Variants in UVRAG observed in about 807,000 individuals in gnomAD.
The protein encoded by UVRAG is UV radiation resistance associated, also known as UV radiation resistance-associated gene protein.
In UVRAG, 19 loss-of-function variants were observed where a neutral mutation model predicts 78.0. The observed-to-expected ratio is 0.24, with a 90% CI of 0.17 to 0.36. The LOEUF is 0.36. Among genes scored for constraint, UVRAG ranks in the 10% least tolerant of loss-of-function variants. UVRAG has a pLI of 1.00. For missense variants in UVRAG, 740 were observed against 853.8 expected (o/e 0.87, Z 1.66); for synonymous variants, 323 against 324.6 (o/e 1.00, Z 0.05).
chr11:76,047,453 C>T (rs1374166902), intron 12 of UVRAG, among the ~76,000 whole-genome samples: 2 of 152,158 alleles, frequency 1.3e-5, no homozygotes, highest in Non-Finnish European at 2.9e-5. Flanking sequence ...CACCCAGACA[C>T]CCTTAATTTT....
At chr11:76,046,106 C>T (rs1950750025) in intron 12 of UVRAG, among the ~76,000 whole-genome samples, 1 of 152,120 alleles carries the variant, frequency 6.6e-6, no homozygotes, top group Non-Finnish European at 1.5e-5. Context: ...AACAATCCTT[C>T]AAAGTACTGA....
chr11:76,050,317 G>T (rs1950839553), intron 12 of UVRAG, among the ~76,000 whole-genome samples: 1 of 152,126 alleles, frequency 6.6e-6, no homozygotes, highest in Admixed American at 6.5e-5. Flanking sequence ...CTTCCGTATT[G>T]ATTCCTGTGT....
intron 13 of UVRAG, among the ~76,000 whole-genome samples, chr11:76,107,585 T>C (rs58642366): frequency 0.024 from 3,721 of 152,342 alleles, 150 homozygotes; most frequent in African/African-American, 0.083. Flanking sequence ...TGTTTATAGA[T>C]GGGATTGGAA....
intron 1 of UVRAG, among the ~76,000 whole-genome samples, chr11:75,839,860 T>TAGAGAG (rs1302506686): frequency 1.4e-4 from 21 of 146,864 alleles, no homozygotes; most frequent in African/African-American, 5.3e-4. Flanking sequence ...CACATATATA[T>TAGAGAG]ATAGAGAGAG....
At chr11:76,005,982 GTGCAAGA>G (rs2135340497) in intron 9 of UVRAG, among the ~76,000 whole-genome samples, 1 of 149,304 alleles carries the variant, frequency 6.7e-6, no homozygotes, top group South Asian at 2.1e-4. Flanking sequence ...AGATCTTGTT[GTGCAAGA>G]TCTCCAGCCC....
chr11:75,929,049 G>A lies in UVRAG; in HGVS notation c.593+17010G>A, dbSNP rs926786909. ...TGATGTGTGGTGAAAGTGGTACAAAGAAGAATGGAAGTGTTTTCCAACATT... is the reference window on the plus strand; with the variant it reads ...TGATGTGTGGTGAAAGTGGTACAAAAAAGAATGGAAGTGTTTTCCAACATT... On this transcript the variant is annotated intron_variant, in intron 6 of 14. Transcript: ENST00000356136. 6.1e-5 allele frequency among the ~76,000 whole-genome samples: 9 copies of A among 148,424 alleles called. No individual in the cohort carries two copies. The East Asian group carries it at 1.2e-3, about 20-fold the overall frequency.
chr11:75,920,152 A>G (rs539703673), intron 6 of UVRAG, among the ~76,000 whole-genome samples: 5 of 150,178 alleles, frequency 3.3e-5, no homozygotes, highest in African/African-American at 1.2e-4. Context: ...CAGCCTCCCA[A>G]GTAGCTGGGA....
intron 3 of UVRAG, among the ~76,000 whole-genome samples, chr11:75,863,701 A>G (rs994677488): frequency 6.6e-6 from 1 of 152,170 alleles, no homozygotes; most frequent in Non-Finnish European, 1.5e-5. Flanking sequence ...TTGTGCACTT[A>G]GGTGGAATAT....
chr11:75,970,481 C>A (rs1182051820), intron 7 of UVRAG, among the ~76,000 whole-genome samples: 1 of 152,024 alleles, frequency 6.6e-6, no homozygotes, highest in Non-Finnish European at 1.5e-5. Flanking sequence ...GCCTGTAATC[C>A]CAGCACTTTG....
chr11:75,976,144 G>C (rs1181420345), intron 7 of UVRAG, among the ~76,000 whole-genome samples: 1 of 152,110 alleles, frequency 6.6e-6, no homozygotes, highest in Non-Finnish European at 1.5e-5. Flanking sequence ...TTTGTCTTTG[G>C]TTCTGTTTAT....
chr11:75,815,253 C>T lies in UVRAG; in HGVS notation c.-155C>T. The T allele has an allele frequency of 1.1e-5, 5 of 456,976 alleles. No homozygotes were observed. Among genetic ancestry groups the T allele is most frequent in the Admixed American group, 4.3e-5 (1 of 23,270 alleles). 28.3% of individuals were successfully genotyped at this position (456,976 alleles called of 1,614,324 possible). Reference sequence around the variant, plus strand: ...TAGCCAGCGGCGGCAACGGCGGCAGCGGCGGCAGCGGCGGCGGCTACTGTC... The same window carrying T: ...TAGCCAGCGGCGGCAACGGCGGCAGTGGCGGCAGCGGCGGCGGCTACTGTC... On this transcript the variant is annotated 5_prime_UTR_variant, in exon 1 of 15. Transcript: ENST00000356136.
At chr11:75,849,057 AGTC>A (rs1374884393) in intron 1 of UVRAG, among the ~76,000 whole-genome samples, 2 of 152,206 alleles carry the variant, frequency 1.3e-5, no homozygotes, top group African/African-American at 4.8e-5. Context: ...ACATGCCTGT[AGTC>A]GCAGCTACTT....
intron 14 of UVRAG, among the ~76,000 whole-genome samples, chr11:76,138,355 G>A (rs548739797): frequency 2.6e-5 from 4 of 152,330 alleles, no homozygotes; most frequent in African/African-American, 9.6e-5. Context: ...CGAGGGCTCT[G>A]TGTGGGCAGC....
intron 7 of UVRAG, among the ~76,000 whole-genome samples, chr11:75,978,514 A>G (rs577389465): frequency 6.6e-6 from 1 of 152,258 alleles, no homozygotes; most frequent in South Asian, 2.1e-4. Context: ...CCAATCAGAC[A>G]TAGATTTGGT....
intron 10 of UVRAG, 65 bp downstream of exon 10, chr11:76,007,686 T>C: frequency 5.4e-6 from 7 of 1,307,708 alleles, no homozygotes; most frequent in Non-Finnish European, 7.7e-6. Flanking sequence ...TGACATTTCC[T>C]CTCAATGAAA....
intron 12 of UVRAG, among the ~76,000 whole-genome samples, chr11:76,038,934 C>T (rs923426979): frequency 6.6e-6 from 1 of 152,208 alleles, no homozygotes; most frequent in Non-Finnish European, 1.5e-5. Flanking sequence ...CCCTGAGCTA[C>T]ACATGAGAAG....
At chr11:76,088,520 C>T (rs1951635315) in intron 13 of UVRAG, among the ~76,000 whole-genome samples, 2 of 134,066 alleles carry the variant, frequency 1.5e-5, no homozygotes, top group Admixed American at 1.7e-4. Context: ...TGCAACAAGA[C>T]TCTTTTGCAT....
chr11:76,099,948 A>G (rs1241665151), intron 13 of UVRAG, among the ~76,000 whole-genome samples: 1 of 152,006 alleles, frequency 6.6e-6, no homozygotes, highest in Non-Finnish European at 1.5e-5. Flanking sequence ...TTCTTACCTA[A>G]TTAGTATTAA....
At chr11:75,972,415 G>T (rs1284665520) in intron 7 of UVRAG, among the ~76,000 whole-genome samples, 2 of 152,134 alleles carry the variant, frequency 1.3e-5, no homozygotes, top group Non-Finnish European at 2.9e-5. Context: ...CCTGTATCTA[G>T]ATTGATTAGT....
Sources: gnomAD v4.1 joint callset for allele counts (sites outside exome capture counted in the v4.1 genomes callset) on GRCh38, gnomAD v4.1.1 for gene constraint, MANE v1.5 for transcripts, NCBI Gene and HGNC (gene_info 2026-07-23, HGNC 2026-07-21) for gene names.